Variants in LCLAT1 observed in about 807,000 individuals in gnomAD.
LCLAT1 encodes the protein 1-AGP acyltransferase 8.
LCLAT1 carries 11 observed loss-of-function variants against 30.7 expected under a neutral mutation model. The ratio of observed to expected loss-of-function variants is 0.36; its 90% CI spans 0.23 to 0.59. The LOEUF is 0.59. Ranked by LOEUF, LCLAT1 falls within the 20% of genes least tolerant of loss-of-function variation. The pLI is 0.77. For missense variants in LCLAT1, 402 were observed against 458.6 expected, an observed-to-expected ratio of 0.88 and a Z score of 1.13; for synonymous variants, 155 against 151.3, an observed-to-expected ratio of 1.02 and a Z score of -0.18.
At chr2:30,598,560 A>G (rs1667035919) in intron 5 of LCLAT1, among the ~76,000 whole-genome samples, 1 of 151,932 alleles carries the variant, frequency 6.6e-6, no homozygotes, top group Non-Finnish European at 1.5e-5. Flanking sequence ...TAGTCTAGCT[A>G]GCAGTCTATT....
At chr2:30,486,442 C>T (rs1450194736) in intron 1 of LCLAT1, among the ~76,000 whole-genome samples, 3 of 152,158 alleles carry the variant, frequency 2.0e-5, no homozygotes, top group African/African-American at 7.2e-5. Flanking sequence ...TTGAGAACCA[C>T]TGACCTAACC....
chr2:30,528,314 A>G (rs1049816327), intron 2 of LCLAT1, among the ~76,000 whole-genome samples: 11 of 152,370 alleles, frequency 7.2e-5, no homozygotes, highest in South Asian at 6.2e-4. Context: ...AAATTCTGCA[A>G]TAGCTATTTC....
Position 30,492,151 on chromosome 2 carries a change from C to T in LCLAT1, c.-4-33436C>T, listed in dbSNP as rs577715907. 7.9e-5 allele frequency among the ~76,000 whole-genome samples: 12 copies of T among 151,972 alleles called. No homozygotes were observed. In the South Asian group the frequency reaches 1.2e-3, roughly 16 times the overall value. ...TAGGTGAGGATGATACAAGAATGGACGTAACAGGTCTCTGACATGTAGAAA... is the reference window on the plus strand; with the variant it reads ...TAGGTGAGGATGATACAAGAATGGATGTAACAGGTCTCTGACATGTAGAAA... On this transcript the variant is annotated intron_variant, in intron 1 of 5. Transcript: ENST00000379509.
At chr2:30,481,558 A>G (rs1683325224) in intron 1 of LCLAT1, among the ~76,000 whole-genome samples, 1 of 152,188 alleles carries the variant, frequency 6.6e-6, no homozygotes, top group African/African-American at 2.4e-5. Flanking sequence ...AGAGGCTAGC[A>G]TTTCAAGGAG....
chr2:30,516,138 A>G (rs1172488684), intron 1 of LCLAT1, among the ~76,000 whole-genome samples: 1 of 152,362 alleles, frequency 6.6e-6, no homozygotes, highest in African/African-American at 2.4e-5. Flanking sequence ...ATAGTCATCT[A>G]TCGCCTGAGA....
intron 1 of LCLAT1, among the ~76,000 whole-genome samples, chr2:30,507,515 A>G (rs1480166593): frequency 1.3e-5 from 2 of 152,038 alleles, no homozygotes; most frequent in East Asian, 1.9e-4. Flanking sequence ...CTGTGTGTCA[A>G]TGTGTTCTTA....
chr2:30,577,319 A>G (rs144776963), intron 5 of LCLAT1, among the ~76,000 whole-genome samples: 53 of 152,118 alleles, frequency 3.5e-4, no homozygotes, highest in African/African-American at 1.1e-3. Context: ...CCTTCCCCTA[A>G]TGAAGTTATG....
At chr2:30,571,593 C>T (rs1379491560) in intron 5 of LCLAT1, among the ~76,000 whole-genome samples, 2 of 152,168 alleles carry the variant, frequency 1.3e-5, no homozygotes, top group Non-Finnish European at 2.9e-5. Context: ...GCTCACATTG[C>T]ATTTATAATA....
At chr2:30,481,465 A>AG (rs55746866) in intron 1 of LCLAT1, among the ~76,000 whole-genome samples, 33,822 of 152,038 alleles carry the variant, frequency 0.22, 3,856 homozygotes, top group East Asian at 0.35. Context: ...CTGGTAGAGG[A>AG]GGGGGAGCCA....
intron 3 of LCLAT1, among the ~76,000 whole-genome samples, chr2:30,553,165 A>T (rs1664755108): frequency 6.6e-6 from 1 of 152,212 alleles, no homozygotes; most frequent in South Asian, 2.1e-4. Context: ...ATGAAAAAAA[A>T]AAGTTGTGAA....
intron 5 of LCLAT1, among the ~76,000 whole-genome samples, chr2:30,621,958 C>T (rs1331340446): frequency 6.6e-6 from 1 of 152,160 alleles, no homozygotes; most frequent in Non-Finnish European, 1.5e-5. Flanking sequence ...GAAGATGCGG[C>T]AGGCTGGGAG....
intron 1 of LCLAT1, among the ~76,000 whole-genome samples, chr2:30,467,558 T>G (rs995324489): frequency 9.2e-5 from 14 of 152,220 alleles, no homozygotes; most frequent in Non-Finnish European, 1.8e-4. Context: ...CCACCAGCAG[T>G]GTAAAAGTGT....
intron 5 of LCLAT1, among the ~76,000 whole-genome samples, chr2:30,570,819 G>C (rs890872875): frequency 6.6e-6 from 1 of 152,164 alleles, no homozygotes; most frequent in Non-Finnish European, 1.5e-5. Flanking sequence ...CTGAGATAAC[G>C]GGGGAGCAGA....
rs191679573 is a variant in LCLAT1 at position 30,543,122 on chromosome 2, T to A, written c.364+9808T>A. Among the ~76,000 whole-genome samples the A allele has an allele frequency of 2.0e-5, 3 of 152,198 alleles. 1 individual carries two copies. In the East Asian group the frequency reaches 5.8e-4, roughly 29 times the overall value. On this transcript the variant is annotated intron_variant, in intron 3 of 5. Coordinates refer to ENST00000379509, the MANE Select transcript of LCLAT1 (RefSeq NM_001002257.3). ...GTAGATTTTTCACAGATGCTCTTAA[T>A]TAGGTTGAGGAGTTCCCTTCTATTC... is the stretch of plus-strand genomic sequence containing the variant.
chr2:30,533,530 T>A (rs1474446760), intron 3 of LCLAT1, among the ~76,000 whole-genome samples: 1 of 152,190 alleles, frequency 6.6e-6, no homozygotes, highest in Non-Finnish European at 1.5e-5. Flanking sequence ...AATAAACTGT[T>A]CTCAAGGAAA....
At chr2:30,621,760 A>G (rs2100112) in intron 5 of LCLAT1, among the ~76,000 whole-genome samples, 20,418 of 152,116 alleles carry the variant, frequency 0.13, 1,459 homozygotes, top group South Asian at 0.22. Flanking sequence ...GGGTACTCTC[A>G]TTCCCAGGGA....
chr2:30,636,748 AC>A (rs1669048364), intron 5 of LCLAT1, among the ~76,000 whole-genome samples: 1 of 152,248 alleles, frequency 6.6e-6, no homozygotes, highest in African/African-American at 2.4e-5. Context: ...CATTCTTCTC[AC>A]CATTTTGATA....
At chr2:30,517,715 G>A (rs1685250333) in intron 1 of LCLAT1, among the ~76,000 whole-genome samples, 1 of 152,090 alleles carries the variant, frequency 6.6e-6, no homozygotes, top group African/African-American at 2.4e-5. Context: ...AAAGAGAGGG[G>A]AAAAAGAGAG....
intron 3 of LCLAT1, among the ~76,000 whole-genome samples, chr2:30,542,581 A>AT (rs1664193463): frequency 6.6e-6 from 1 of 152,008 alleles, no homozygotes; most frequent in African/African-American, 2.4e-5. Flanking sequence ...CTATTTGAGT[A>AT]TTTTTCCTCT....
Sources: gnomAD v4.1 joint callset for allele counts (sites outside exome capture counted in the v4.1 genomes callset) on GRCh38, gnomAD v4.1.1 for gene constraint, MANE v1.5 for transcripts, NCBI Gene and HGNC (gene_info 2026-07-23, HGNC 2026-07-21) for gene names.